ADAP1: variants seen among roughly 807,000 people sequenced by gnomAD.
The protein encoded by ADAP1 is ArfGAP with dual PH domains 1, also known as arf-GAP with dual PH domain-containing protein 1.
Under a neutral mutation model 54.9 loss-of-function variants are expected in ADAP1, and 31 were observed. That is an observed-to-expected ratio of 0.56 (90% CI 0.42 to 0.76). The LOEUF (loss-of-function observed/expected upper bound fraction) is 0.76. Ranked by LOEUF, ADAP1 falls within the 30% of genes least tolerant of loss-of-function variation. The pLI is 0.00. For synonymous variants in ADAP1, 313 were observed against 202.6 expected (o/e 1.55, Z -4.63); for missense variants, 535 against 512.4 (o/e 1.04, Z -0.42).
Position 920,501 on chromosome 7 carries a change from G to C in ADAP1, c.306-451C>G, listed in dbSNP as rs1218171043. 1.4e-5 allele frequency among the ~76,000 whole-genome samples: 2 copies of C among 138,850 alleles called. No homozygotes were observed. 91.1% of individuals were successfully genotyped at this position (138,850 alleles called of 152,430 possible). A position where few individuals can be genotyped will look rare whatever the true frequency, so the allele number is the denominator to read the frequency against. ...GCCGCGGCGCCGCCCTCCACCCACC[G>C]TGCTGCCACCTTGCACCCCCCGTGC... On this transcript the variant is annotated intron_variant, in intron 3 of 10. Coordinates refer to ENST00000265846, the MANE Select transcript of ADAP1 (RefSeq NM_006869.4). The surrounding 1 kb of genome is among the most constrained non-coding windows in gnomAD (Gnocchi z 4.5).
At chr7:931,945 G>A (rs1846594876) in intron 2 of ADAP1, among the ~76,000 whole-genome samples, 1 of 152,272 alleles carries the variant, frequency 6.6e-6, no homozygotes, top group Admixed American at 6.5e-5. Context: ...ACCAGCCCAG[G>A]AATGGCCAAG....
Position 920,321 on chromosome 7 carries a change from C to T in ADAP1, c.306-271G>A, listed in dbSNP as rs557007907. 1.2e-4 allele frequency among the ~76,000 whole-genome samples: 18 copies of T among 152,268 alleles called. No homozygotes were observed. The highest frequency in any genetic ancestry group is 3.6e-4 in the African/African-American group (15 of 41,542). ...GTTCTGCACAAGCGTTCCCGGTGGA[C>T]GGGCTGGTGCCTCCCCTCTCCTTCC... On this transcript the variant is annotated intron_variant, in intron 3 of 10. Transcript: ENST00000265846. The surrounding 1 kb of genome is among the most constrained non-coding windows in gnomAD (Gnocchi z 4.5).
chr7:936,615 T>C (rs1281766339), intron 1 of ADAP1, among the ~76,000 whole-genome samples: 1 of 152,228 alleles, frequency 6.6e-6, no homozygotes, highest in Non-Finnish European at 1.5e-5. Context: ...TGTGTGACTC[T>C]CCTGTTTTCT....
chr7:940,993 A>C (rs77146740), intron 1 of ADAP1, among the ~76,000 whole-genome samples: 1 of 152,166 alleles, frequency 6.6e-6, no homozygotes, highest in African/African-American at 2.4e-5. Flanking sequence ...CAACAGATGC[A>C]AAAAATGTTG....
Position 904,186 on chromosome 7 carries a change from C to A in ADAP1, c.588G>T (p.Gln196His), listed in dbSNP as rs368329171. ...PAKIGHPHGL[Q>H]VTYLKDNSTR... ...TGCTGTTGTCCTTCAGGTAGGTGACCTGCAGGCCGTGGGGGTGGCCGATCT... is the reference window on the plus strand; with the variant it reads ...TGCTGTTGTCCTTCAGGTAGGTGACATGCAGGCCGTGGGGGTGGCCGATCT... Residue 196 changes from glutamine (Q) to histidine (H), a missense_variant, in exon 6 of 11, where the codon CAG (glutamine) becomes CAT (histidine). By Grantham distance (24) the Gln-to-His change is conservative. Coordinates refer to ENST00000265846, the MANE Select transcript of ADAP1 (RefSeq NM_006869.4). 1.2e-6 allele frequency: 2 copies of A among 1,612,324 alleles called. No individual in the cohort carries two copies. The highest frequency in any genetic ancestry group is 1.7e-6 in the Non-Finnish European group (2 of 1,179,692).
intron 7 of ADAP1, 65 bp from the exon 8 acceptor site, chr7:900,229 T>C: frequency 7.0e-6 from 11 of 1,581,448 alleles, no homozygotes; most frequent in Non-Finnish European, 9.5e-6. Flanking sequence ...CCTCCCTGGC[T>C]GTGCCCCTCT....
At chr7:944,948 T>C (rs1284158555) in intron 1 of ADAP1, among the ~76,000 whole-genome samples, 1 of 152,164 alleles carries the variant, frequency 6.6e-6, no homozygotes, top group African/African-American at 2.4e-5. Context: ...TTAAGGCCTC[T>C]GGTCTCTGGG....
intron 1 of ADAP1, among the ~76,000 whole-genome samples, chr7:948,708 T>C (rs1847200573): frequency 1.3e-5 from 2 of 152,064 alleles, no homozygotes; most frequent in South Asian, 4.1e-4. Flanking sequence ...GTCCTTTTTT[T>C]TCCCTTGAGA....
rs575117622 is a variant in ADAP1 at position 911,283 on chromosome 7, C to T, written c.389-6111G>A. Among the ~76,000 whole-genome samples the T allele has an allele frequency of 2.6e-5, 4 of 152,298 alleles. No individual in the cohort carries two copies. In the East Asian group the frequency reaches 7.7e-4, roughly 29 times the overall value. On this transcript the variant is annotated intron_variant, in intron 4 of 10. Coordinates refer to ENST00000265846, the MANE Select transcript of ADAP1 (RefSeq NM_006869.4). ...ATAGCCCCCAGCATGGGGCCCGGCCCCCGACAGGCCTGGAGAGACCCCCCC... is the reference window on the plus strand; with the variant it reads ...ATAGCCCCCAGCATGGGGCCCGGCCTCCGACAGGCCTGGAGAGACCCCCCC...
In ADAP1 at chr7:946,430, A is replaced by G. The variant is rs1356125471; in HGVS notation, c.82+7966T>C. The stretch of plus-strand genomic sequence containing the variant: ...TTTGGCCCTAGGAACAGGCCCTCCC[A>G]GGACCCAGATCCGCTGGCCCCTACC... On this transcript the variant is annotated intron_variant, in intron 1 of 10. Coordinates refer to ENST00000265846, the MANE Select transcript of ADAP1 (RefSeq NM_006869.4). This position sits in a 1 kb window ranked among gnomAD's most constrained non-coding sequence, Gnocchi z 4.3. 2.6e-5 allele frequency among the ~76,000 whole-genome samples: 4 copies of G among 152,008 alleles called. No homozygotes were observed. In the East Asian group the frequency reaches 7.8e-4, roughly 30 times the overall value.
chr7:952,254 C>T (rs1847290207), intron 1 of ADAP1, among the ~76,000 whole-genome samples: 1 of 152,202 alleles, frequency 6.6e-6, no homozygotes, highest in Admixed American at 6.5e-5. Flanking sequence ...GACTGCTTCC[C>T]TCACACGGCC....
At chr7:900,253 C>T in intron 7 of ADAP1, 89 bp from the exon 8 acceptor site, 2 of 1,513,910 alleles carry the variant, frequency 1.3e-6, no homozygotes, top group Non-Finnish European at 1.8e-6. Flanking sequence ...CTCCCCTCAC[C>T]CCGGGCCACC....
Position 899,202 on chromosome 7 carries a change from C to T in ADAP1, c.927G>A (p.Leu309=), listed in dbSNP as rs761666255. Reference sequence around the variant, plus strand: ...CCTGGGTGGACGGCGGGAACCCATGCAGCACCGTGTAGCCACTCTCCTTGC... The same window carrying T: ...CCTGGGTGGACGGCGGGAACCCATGTAGCACCGTGTAGCCACTCTCCTTGC... ...IGSKESGYTV[L]HGFPPSTQGH... The change falls in exon 10 of 11, where the codon CTG becomes CTA. Residue 309 remains leucine (L), a synonymous_variant. Coordinates refer to ENST00000265846, the MANE Select transcript of ADAP1 (RefSeq NM_006869.4). 8.7e-6 allele frequency: 14 copies of T among 1,612,500 alleles called. No homozygotes were observed. The highest frequency in any genetic ancestry group is 1.3e-5 in the African/African-American group (1 of 74,944).
Position 926,178 on chromosome 7 carries a change from G to A in ADAP1, c.305+375C>T, listed in dbSNP as rs1013212565. Among the ~76,000 whole-genome samples, 13 of 147,652 alleles carry A rather than the reference G, an allele frequency of 8.8e-5. No individual in the cohort carries two copies. Among genetic ancestry groups the A allele is most frequent in the Non-Finnish European group, 1.5e-4 (10 of 66,694 alleles). Reference sequence around the variant, plus strand: ...GCCACCGGTACCCACGTCCGCTCCCGCCCTGAGGAGCCAGGGCAGGCCCCG... The same window carrying A: ...GCCACCGGTACCCACGTCCGCTCCCACCCTGAGGAGCCAGGGCAGGCCCCG... On this transcript the variant is annotated intron_variant, in intron 3 of 10. Transcript: ENST00000265846. This position sits in a 1 kb window ranked among gnomAD's most constrained non-coding sequence, Gnocchi z 4.6.
chr7:903,957 C>T, intron 6 of ADAP1, 169 bp downstream of exon 6: 1 of 866,954 alleles, frequency 1.2e-6, no homozygotes, highest in South Asian at 1.8e-5. Flanking sequence ...TCCCACACGT[C>T]CAAGCACCCG....
At chr7:910,003 G>A (rs996602431) in intron 4 of ADAP1, among the ~76,000 whole-genome samples, 4 of 152,308 alleles carry the variant, frequency 2.6e-5, no homozygotes, top group Middle Eastern at 3.4e-3. Flanking sequence ...CCCACCGCAC[G>A]GCTAAGAGCA....
intron 4 of ADAP1, among the ~76,000 whole-genome samples, chr7:916,039 A>T (rs1187053317): frequency 6.6e-6 from 1 of 152,214 alleles, no homozygotes; most frequent in African/African-American, 2.4e-5. Flanking sequence ...TCTTCCCCAG[A>T]AGGGCCACTC....
intron 4 of ADAP1, among the ~76,000 whole-genome samples, chr7:915,121 C>T (rs1038913717): frequency 3.1e-4 from 16 of 51,552 alleles, no homozygotes; most frequent in African/African-American, 1.5e-3. Flanking sequence ...CTGGAGCAGC[C>T]GCAGTCTACG....
intron 4 of ADAP1, among the ~76,000 whole-genome samples, chr7:906,423 G>GAGAAAGGA (rs1554272235): frequency 1.9e-5 from 1 of 53,056 alleles, no homozygotes; most frequent in Non-Finnish European, 3.9e-5. Context: ...AGGGAGAAAG[G>GAGAAAGGA]GAAAGGAGAA....
Sources: allele counts gnomAD v4.1 joint callset (sites outside exome capture counted in the v4.1 genomes callset), GRCh38; gene constraint gnomAD v4.1.1; non-coding constraint Gnocchi (gnomAD v3.1); transcripts MANE v1.5; gene names NCBI Gene and HGNC (gene_info 2026-07-23, HGNC 2026-07-21).